Variants in SLC43A2 observed in about 807,000 individuals in gnomAD.
SLC43A2 encodes large neutral amino acids transporter small subunit 4.
SLC43A2 carries 38 observed loss-of-function variants against 63.2 expected under a neutral mutation model. The ratio of observed to expected loss-of-function variants is 0.60; its 90% confidence interval spans 0.46 to 0.79. The LOEUF (loss-of-function observed/expected upper bound fraction) is 0.79. SLC43A2 is among the 30% of genes least tolerant of loss of function. The pLI, the probability that SLC43A2 is intolerant of heterozygous loss-of-function variation, is 0.00. For synonymous variants in SLC43A2, 322 were observed against 331.0 expected, an observed-to-expected ratio of 0.97 and a Z score of 0.30; for missense variants, 644 against 756.2, an observed-to-expected ratio of 0.85 and a Z score of 1.74.
chr17:1,596,518 T>G (rs1049453181), intron 5 of SLC43A2, among the ~76,000 whole-genome samples: 1 of 152,034 alleles, frequency 6.6e-6, no homozygotes, highest in Non-Finnish European at 1.5e-5. Context: ...GCCCAACAGT[T>G]ATTCAAAAAA....
At chr17:1,585,841 T>A in intron 10 of SLC43A2, 72 bp downstream of exon 10, 1 of 1,609,326 alleles carries the variant, frequency 6.2e-7, no homozygotes, top group Non-Finnish European at 8.5e-7. Context: ...ACCCTGTGCC[T>A]GACATGCAGC....
chr17:1,593,066 G>A lies in SLC43A2; in HGVS notation c.594+121C>T, dbSNP rs561973230. The A allele has an allele frequency of 5.1e-5, 44 of 867,876 alleles. No homozygotes were observed. Among genetic ancestry groups the A allele is most frequent in the Admixed American group, 4.9e-4 (23 of 47,204 alleles). 53.8% of individuals were successfully genotyped at this position (867,876 alleles called of 1,614,324 possible). A position where few individuals can be genotyped will look rare whatever the true frequency, so the allele number is the denominator to read the frequency against. On this transcript the variant is annotated intron_variant, in intron 6 of 13. Coordinates refer to ENST00000301335, the MANE Select transcript of SLC43A2 (RefSeq NM_152346.3). The surrounding 1 kb of genome is among the most constrained non-coding windows in gnomAD (Gnocchi z 5.3). The stretch of plus-strand genomic sequence containing the variant: ...TGTGATGCCCAGGTGCATCCTGCCC[G>A]GGTGGGGGTGGTGGAGAGGGGCCAC...
At chr17:1,608,537 GA>G (rs1342176048) in intron 5 of SLC43A2, among the ~76,000 whole-genome samples, 12 of 152,200 alleles carry the variant, frequency 7.9e-5, no homozygotes, top group Middle Eastern at 3.4e-3. Flanking sequence ...GGAATTACAG[GA>G]ACATGCCACC....
chr17:1,615,610 G>A (rs551900376), intron 3 of SLC43A2, among the ~76,000 whole-genome samples: 209 of 150,184 alleles, frequency 1.4e-3, no homozygotes, highest in African/African-American at 4.4e-3. Context: ...TTGGGAGGCC[G>A]AGGCGGGCAG....
intron 2 of SLC43A2, among the ~76,000 whole-genome samples, chr17:1,618,146 C>T: frequency 6.6e-6 from 1 of 152,240 alleles, no homozygotes; most frequent in Non-Finnish European, 1.5e-5. Flanking sequence ...AGGATGCGCA[C>T]AGGTGGACTC....
At chr17:1,592,993 T>C (rs1461542663) in intron 6 of SLC43A2, among the ~76,000 whole-genome samples, 194 bp downstream of exon 6, 1 of 152,180 alleles carries the variant, frequency 6.6e-6, no homozygotes, top group African/African-American at 2.4e-5. Context: ...TGCAGCCACA[T>C]GCGTGATTCC....
At chr17:1,581,225 C>CACACACACACACAT (rs1194865812) in intron 11 of SLC43A2, among the ~76,000 whole-genome samples, 1 of 152,024 alleles carries the variant, frequency 6.6e-6, no homozygotes, top group Non-Finnish European at 1.5e-5. Context: ...CACACACGCA[C>CACACACACACACAT]GCTGTGCAGG....
chr17:1,611,393 G>A (rs1006734934), intron 5 of SLC43A2, among the ~76,000 whole-genome samples: 8 of 152,154 alleles, frequency 5.3e-5, no homozygotes, highest in African/African-American at 1.9e-4. Context: ...CCAGCACTTT[G>A]GGAGGCTGAG....
intron 11 of SLC43A2, among the ~76,000 whole-genome samples, chr17:1,581,330 C>A (rs1016319003): frequency 2.6e-5 from 4 of 152,230 alleles, no homozygotes; most frequent in South Asian, 4.1e-4. Context: ...CTGAGCACTG[C>A]CCCTCGACTG....
At position 1,613,850 on chromosome 17, in the gene SLC43A2, A is replaced by G. The variant is rs186374808; in HGVS notation, c.425-579T>C. On this transcript the variant is annotated intron_variant, in intron 4 of 13. Transcript: ENST00000301335. The stretch of plus-strand genomic sequence containing the variant: ...GCAGTGACTCACACCTAGAATCCCA[A>G]CACTTTGGGAGGCTGAAGCAGGAGA... Among the ~76,000 whole-genome samples the G allele has an allele frequency of 2.1e-3, 321 of 152,180 alleles. 2 individuals are homozygous for G. The highest frequency in any genetic ancestry group is 3.2e-3 in the Non-Finnish European group (215 of 67,980).
At chr17:1,587,344 C>T (rs938670539) in intron 9 of SLC43A2, among the ~76,000 whole-genome samples, 2 of 152,208 alleles carry the variant, frequency 1.3e-5, no homozygotes, top group Admixed American at 6.5e-5. Flanking sequence ...ACACTGCCTG[C>T]GGGAAGCGGC....
intron 8 of SLC43A2, 54 bp from the exon 9 acceptor site, chr17:1,591,002 G>T: frequency 6.6e-7 from 1 of 1,512,486 alleles, no homozygotes. Context: ...CCCACCACCG[G>T]GGGGACACGC....
rs1037941153 is a variant in SLC43A2, at chr17:1,591,010, C to G, written c.932-62G>C. 15 of 1,497,152 alleles carry G rather than the reference C, an allele frequency of 1.0e-5. No homozygotes were observed. In the African/African-American group the frequency reaches 2.1e-4, roughly 21 times the overall value. The allele number at this position is 1,497,152 out of a possible 1,614,324, so 92.7% of individuals were successfully genotyped here. ...CACTGTCCCCACCACCGGGGGGACACGCAGATCCCTCCACGCTGGAGGCCA... is the reference window on the plus strand; with the variant it reads ...CACTGTCCCCACCACCGGGGGGACAGGCAGATCCCTCCACGCTGGAGGCCA... On this transcript the variant is annotated intron_variant, in intron 8 of 13. Transcript: ENST00000301335.
chr17:1,591,725 GGGGGGGGGAGGGGGCAGAGTT>G, intron 6 of SLC43A2, 26 bp from the exon 7 acceptor site: 4 of 975,372 alleles, frequency 4.1e-6, no homozygotes, highest in Non-Finnish European at 4.4e-6. Flanking sequence ...GGGACGGGGT[GGGGGGGGGAGGGGGCAGAGTT>G]AGCCCGGGGA....
intron 5 of SLC43A2, among the ~76,000 whole-genome samples, chr17:1,608,012 G>C (rs1323936374): frequency 1.3e-5 from 2 of 152,118 alleles, no homozygotes; most frequent in Non-Finnish European, 2.9e-5. Context: ...TAGTGTGCCT[G>C]GCTAAGACAG....
At chr17:1,626,530 C>G (rs1387613583) in intron 2 of SLC43A2, among the ~76,000 whole-genome samples, 1 of 152,190 alleles carries the variant, frequency 6.6e-6, no homozygotes, top group Non-Finnish European at 1.5e-5. Context: ...CATTCTCCTG[C>G]TTTCTCCTGC....
intron 5 of SLC43A2, among the ~76,000 whole-genome samples, chr17:1,604,069 C>T (rs555306257): frequency 6.6e-6 from 1 of 152,156 alleles, no homozygotes; most frequent in African/African-American, 2.4e-5. Flanking sequence ...GAGACAGAGC[C>T]TCACTCTGTC....
chr17:1,576,498 T>C, intron 13 of SLC43A2, 99 bp downstream of exon 13: 1 of 1,354,706 alleles, frequency 7.4e-7, no homozygotes, highest in Non-Finnish European at 9.9e-7. Context: ...CGCTCCCACA[T>C]GTCCTCGGGG....
intron 4 of SLC43A2, 139 bp from the exon 5 acceptor site, chr17:1,613,410 G>T (rs917894001): frequency 1.5e-6 from 1 of 677,398 alleles, no homozygotes. Flanking sequence ...GACATCTGGG[G>T]AGTGGAACTG....
Sources: allele counts gnomAD v4.1 joint callset (sites outside exome capture counted in the v4.1 genomes callset), GRCh38; gene constraint gnomAD v4.1.1; non-coding constraint Gnocchi (gnomAD v3.1); transcripts MANE v1.5; gene names NCBI Gene and HGNC (gene_info 2026-07-23, HGNC 2026-07-21).